The following CDH4 variants were observed in gnomAD, a reference collection of about 807,000 sequenced individuals.
CDH4 encodes cadherin 4, also known as cadherin-4.
In CDH4, 33 loss-of-function variants were observed where a neutral mutation model predicts 86.0. The observed-to-expected ratio is 0.38, with a 90% CI of 0.29 to 0.51. The LOEUF is 0.51. CDH4 is among the 20% of genes least tolerant of loss of function. The pLI is 0.86. For synonymous variants in CDH4, 555 were observed against 549.4 expected, an observed-to-expected ratio of 1.01 and a Z score of -0.14; for missense variants, 1,114 against 1,307.4, an observed-to-expected ratio of 0.85 and a Z score of 2.28.
intron 2 of CDH4, among the ~76,000 whole-genome samples, chr20:61,619,870 A>G (rs1342252843): frequency 1.9e-4 from 29 of 152,220 alleles, no homozygotes; most frequent in Non-Finnish European, 5.9e-5. Context: ...AGGGCCTCTG[A>G]TGATGGCAGC....
chr20:61,560,514 G>A (rs530049138), intron 2 of CDH4, among the ~76,000 whole-genome samples: 154 of 152,358 alleles, frequency 1.0e-3, no homozygotes, highest in Non-Finnish European at 2.0e-3. Flanking sequence ...GTTTTTAGGA[G>A]CCACAGCTCA....
intron 2 of CDH4, among the ~76,000 whole-genome samples, chr20:61,605,886 GA>G (rs529210946): frequency 0.11 from 13,652 of 125,928 alleles, 1,461 homozygotes; most frequent in African/African-American, 0.29. Context: ...GGCTGTGGAG[GA>G]AAAAAAAAAA....
At chr20:61,499,536 C>T in intron 2 of CDH4, 1 of 1,286,698 alleles carries the variant, frequency 7.8e-7, no homozygotes, top group Non-Finnish European at 1.0e-6. Flanking sequence ...GTTTGTGGGC[C>T]ACTTCTTTAT....
chr20:61,845,846 TG>T (rs1447051665), intron 5 of CDH4, among the ~76,000 whole-genome samples: 2 of 152,232 alleles, frequency 1.3e-5, no homozygotes, highest in Non-Finnish European at 2.9e-5. Flanking sequence ...CTTCAGTCAG[TG>T]GCACCGAACA....
rs544367507 is a variant in CDH4 at position 61,632,136 on chromosome 20, G to A, written c.170-111427G>A. Among the ~76,000 whole-genome samples the A allele has an allele frequency of 1.7e-3, 258 of 152,364 alleles. 1 individual carries two copies. The highest frequency in any genetic ancestry group is 6.0e-3 in the African/African-American group (251 of 41,588). ...ACCGGGGCAGGCTCTGAGTTTGCTT[G>A]CTTGAGTTTGGAGTCTCCACCAGTG... On this transcript the variant is annotated intron_variant, in intron 2 of 15. Transcript: ENST00000614565.
intron 2 of CDH4, among the ~76,000 whole-genome samples, chr20:61,691,238 A>G (rs1169170011): frequency 6.6e-6 from 1 of 152,056 alleles, no homozygotes; most frequent in East Asian, 1.9e-4. Context: ...GGGAAGCAAG[A>G]GCAGTAAGAA....
intron 4 of CDH4, among the ~76,000 whole-genome samples, chr20:61,841,776 C>T (rs935803408): frequency 1.3e-5 from 2 of 152,072 alleles, no homozygotes; most frequent in Non-Finnish European, 2.9e-5. Flanking sequence ...TGCGCGCGTG[C>T]GCGCACCGTG....
intron 2 of CDH4, among the ~76,000 whole-genome samples, chr20:61,698,334 G>T (rs542900993): frequency 6.6e-6 from 1 of 152,386 alleles, no homozygotes; most frequent in African/African-American, 2.4e-5. Context: ...GAGCCTTCAA[G>T]TAGGTCTTCT....
intron 2 of CDH4, among the ~76,000 whole-genome samples, chr20:61,526,175 C>G (rs551234345): frequency 5.2e-4 from 79 of 152,168 alleles, no homozygotes; most frequent in Middle Eastern, 6.8e-3. Flanking sequence ...TGCCCCTCCC[C>G]CTCCCCGGGT....
At chr20:61,868,530 C>G (rs1442535499) in intron 6 of CDH4, among the ~76,000 whole-genome samples, 2 of 152,218 alleles carry the variant, frequency 1.3e-5, no homozygotes, top group Non-Finnish European at 2.9e-5. Context: ...ACTCCCAAAC[C>G]CACAACAGGC....
intron 2 of CDH4, among the ~76,000 whole-genome samples, chr20:61,346,826 G>T (rs540617770): frequency 1.3e-5 from 2 of 152,082 alleles, no homozygotes; most frequent in Non-Finnish European, 1.5e-5. Flanking sequence ...CAGGCTCTGC[G>T]CTATGCAGGT....
At chr20:61,589,180 T>C (rs1167205561) in intron 2 of CDH4, among the ~76,000 whole-genome samples, 9 of 152,358 alleles carry the variant, frequency 5.9e-5, no homozygotes, top group Non-Finnish European at 1.5e-5. Context: ...ATCTCTGATC[T>C]CTGATTAACT....
intron 2 of CDH4, among the ~76,000 whole-genome samples, chr20:61,666,840 T>A (rs2087330592): frequency 6.6e-6 from 1 of 152,162 alleles, no homozygotes; most frequent in Admixed American, 6.5e-5. Flanking sequence ...GAGGCATGAA[T>A]CCGAAGACAG....
At chr20:61,320,807 A>G (rs997142804) in intron 2 of CDH4, among the ~76,000 whole-genome samples, 1 of 151,826 alleles carries the variant, frequency 6.6e-6, no homozygotes. Context: ...CAGCGTGCGC[A>G]GAGGTCCTGT....
intron 2 of CDH4, among the ~76,000 whole-genome samples, chr20:61,478,040 GT>G (rs2085549104): frequency 6.6e-6 from 1 of 152,174 alleles, no homozygotes; most frequent in Non-Finnish European, 1.5e-5. Context: ...GTCTAATCGC[GT>G]GAGGACTGAC....
chr20:61,725,790 A>G (rs2088103713), intron 2 of CDH4, among the ~76,000 whole-genome samples: 2 of 145,852 alleles, frequency 1.4e-5, no homozygotes, highest in Admixed American at 1.4e-4. Context: ...GAGGGCTGGG[A>G]GGGGAGGTGG....
At chr20:61,292,586 C>G (rs1041949000) in intron 2 of CDH4, among the ~76,000 whole-genome samples, 7 of 152,216 alleles carry the variant, frequency 4.6e-5, no homozygotes, top group Non-Finnish European at 8.8e-5. Flanking sequence ...GCAGAAGGTG[C>G]TGGTGGGCAC....
At position 61,253,016 on chromosome 20, in the gene CDH4, C is replaced by T. The variant is rs529948044; in HGVS notation, c.57+446C>T. Among the ~76,000 whole-genome samples, 121 of 151,792 alleles carry T rather than the reference C, an allele frequency of 8.0e-4. 1 individual carries two copies. The highest frequency in any genetic ancestry group is 6.8e-3 in the Middle Eastern group (2 of 292). ...GAAGGCGTGGGGCGCCCGGCGGCTG[C>T]GGGCCAGGGATCCGCGAGTGCGGGG... On this transcript the variant is annotated intron_variant, in intron 1 of 15. Coordinates refer to ENST00000614565, the MANE Select transcript of CDH4 (RefSeq NM_001794.5).
At chr20:61,525,462 G>A (rs1363960902) in intron 2 of CDH4, among the ~76,000 whole-genome samples, 2 of 152,136 alleles carry the variant, frequency 1.3e-5, no homozygotes, top group Non-Finnish European at 2.9e-5. Flanking sequence ...GGATGCATGC[G>A]GTGAGCAGGG....
Sources: allele counts gnomAD v4.1 joint callset (sites outside exome capture counted in the v4.1 genomes callset), GRCh38; gene constraint gnomAD v4.1.1; transcripts MANE v1.5; gene names NCBI Gene and HGNC (gene_info 2026-07-23, HGNC 2026-07-21).